The following SOX5 variants were observed in gnomAD, a reference collection of about 807,000 sequenced individuals.
The protein encoded by SOX5 is transcription factor SOX-5.
SOX5 carries 9 observed loss-of-function variants against 92.0 expected under a neutral mutation model. The observed-to-expected ratio is 0.10, with a 90% CI of 0.06 to 0.17. SOX5 has a LOEUF of 0.17. SOX5 is among the 10% of genes least tolerant of loss of function. The pLI is 1.00. For missense variants in SOX5, 642 were observed against 944.5 expected (o/e 0.68, Z 4.20); for synonymous variants, 344 against 336.3 (o/e 1.02, Z -0.25).
At chr12:23,664,816 T>C (rs981803122) in intron 7 of SOX5, among the ~76,000 whole-genome samples, 4 of 152,062 alleles carry the variant, frequency 2.6e-5, no homozygotes, top group African/African-American at 9.7e-5. Context: ...CAACAATGAG[T>C]ATGACAGAAT....
chr12:23,660,027 G>A (rs11614034), intron 7 of SOX5, among the ~76,000 whole-genome samples: 14,677 of 152,138 alleles, frequency 0.096, 753 homozygotes, highest in Non-Finnish European at 0.11. Flanking sequence ...TAAGGCTAAG[G>A]TTGTATTAAA....
rs1327852274 is a variant in SOX5 at position 24,226,719 on chromosome 12, C to T, written c.-76-13302G>A. ...CTCCTGACCTCAGGTGATCCACCCG[C>T]CTTGGCCTCTCAAAGGGCTAGGATT... On this transcript the variant is annotated intron_variant, in intron 3 of 4. Coordinates refer to the SOX5 transcript ENST00000446891. Among the ~76,000 whole-genome samples, 4 of 152,308 alleles carry T rather than the reference C, an allele frequency of 2.6e-5. No homozygotes were observed. The South Asian group carries it at 8.3e-4, about 32-fold the overall frequency.
chr12:23,532,273 C>CAAGT lies in SOX5; in HGVS notation c.*1942_*1945dup, dbSNP rs1459545711. 1 of 151,904 alleles carries CAAGT rather than the reference C, an allele frequency of 6.6e-6. No homozygotes were observed. Among genetic ancestry groups the CAAGT allele is most frequent in the African/African-American group, 2.4e-5 (1 of 41,344 alleles). 9.4% of individuals were successfully genotyped at this position (151,904 alleles called of 1,614,324 possible). A position where few individuals can be genotyped will look rare whatever the true frequency, so the allele number is the denominator to read the frequency against. ...AGCTCCTCCAAGCAAAACCCCAGAG[C>CAAGT]AAGTCTTCTGAGAGAGAGAAAAATA... On this transcript the variant is annotated 3_prime_UTR_variant, in exon 15 of 15. Coordinates refer to ENST00000451604, the MANE Select transcript of SOX5 (RefSeq NM_006940.6).
At chr12:24,371,348 C>G (rs1017106927) in intron 1 of SOX5, among the ~76,000 whole-genome samples, 17 of 152,194 alleles carry the variant, frequency 1.1e-4, no homozygotes, top group African/African-American at 4.1e-4. Context: ...TTTTCCCCCC[C>G]AGGGCTACAG....
At chr12:23,648,019 C>T (rs1479463633) in intron 7 of SOX5, among the ~76,000 whole-genome samples, 1 of 152,210 alleles carries the variant, frequency 6.6e-6, no homozygotes, top group South Asian at 2.1e-4. Context: ...GACACACCTT[C>T]TTCATCAAGC....
chr12:23,704,129 T>C (rs1472944535), intron 6 of SOX5, among the ~76,000 whole-genome samples: 1 of 151,990 alleles, frequency 6.6e-6, no homozygotes, highest in Non-Finnish European at 1.5e-5. Context: ...ATTCCTGTTT[T>C]CCTCTTCTAC....
At chr12:23,860,992 G>T (rs1459776613) in intron 2 of SOX5, among the ~76,000 whole-genome samples, 1 of 109,496 alleles carries the variant, frequency 9.1e-6, no homozygotes, top group Non-Finnish European at 1.9e-5. Context: ...TGCCAACATA[G>T]AAATAATAAT....
chr12:23,736,815 C>G lies in SOX5; in HGVS notation c.742-2063G>C, dbSNP rs561689956. The stretch of plus-strand genomic sequence containing the variant: ...AAATGATTCATCTGCCTCAGCCTCC[C>G]GAGTAGCTGAGATTACAGGCATGCA... On this transcript the variant is annotated intron_variant, in intron 5 of 14. Coordinates refer to ENST00000451604, the MANE Select transcript of SOX5 (RefSeq NM_006940.6). Among the ~76,000 whole-genome samples, 51 of 151,606 alleles carry G rather than the reference C, an allele frequency of 3.4e-4. No individual in the cohort carries two copies. In the South Asian group the frequency reaches 7.3e-3, roughly 22 times the overall value.
chr12:24,307,762 TGGAAGGAAGGAA>T lies in SOX5; in HGVS notation c.-173-30462_-173-30451del, dbSNP rs71063306. Among the ~76,000 whole-genome samples, 4 of 43,764 alleles carry T rather than the reference TGGAAGGAAGGAA, an allele frequency of 9.1e-5. 1 individual carries two copies. The highest frequency in any genetic ancestry group is 2.1e-4 in the African/African-American group (4 of 18,662). The allele number at this position is 43,764 out of a possible 152,430, so 28.7% of individuals were successfully genotyped here. Reference sequence around the variant, plus strand: ...TTATTGGATTCTTCAGGTGGCCTAATGGAAGGAAGGAAGGAAGGAAGGAAGGAAGGAGGGAGG... The same window carrying T: ...TTATTGGATTCTTCAGGTGGCCTAATGGAAGGAAGGAAGGAAGGAGGGAGG... On this transcript the variant is annotated intron_variant, in intron 2 of 4. Transcript: ENST00000446891.
At chr12:24,502,572 G>C (rs1437026831) in intron 1 of SOX5, among the ~76,000 whole-genome samples, 1 of 152,024 alleles carries the variant, frequency 6.6e-6, no homozygotes, top group Non-Finnish European at 1.5e-5. Context: ...AAGATAAAAG[G>C]GGGTAATACA....
In SOX5 at chr12:23,604,345, A is replaced by C. The variant is rs972091640; in HGVS notation, c.1164+42T>G. 5 of 1,607,084 alleles carry C rather than the reference A, an allele frequency of 3.1e-6. No homozygotes were observed. In the African/African-American group the frequency reaches 6.7e-5, roughly 22 times the overall value. On this transcript the variant is annotated intron_variant, in intron 9 of 14. Transcript: ENST00000451604. ...TTTAATAAATACCATTGAATGAAAA[A>C]TAAAGCTAAGTGGCAAGACAGTGGC...
At chr12:24,223,423 C>A (rs1961007071) in intron 3 of SOX5, 1 of 152,102 alleles carries the variant, frequency 6.6e-6, no homozygotes, top group African/African-American at 2.4e-5. Flanking sequence ...TATTAATATT[C>A]CCCATGATTA....
intron 8 of SOX5, among the ~76,000 whole-genome samples, chr12:23,639,120 A>G (rs2079682404): frequency 6.6e-6 from 1 of 152,098 alleles, no homozygotes; most frequent in African/African-American, 2.4e-5. Context: ...TTTGGTGTCT[A>G]AAGTTTCTCT....
At chr12:23,946,523 T>C (rs1009821392) in intron 1 of SOX5, among the ~76,000 whole-genome samples, 1 of 152,022 alleles carries the variant, frequency 6.6e-6, no homozygotes, top group Non-Finnish European at 1.5e-5. Context: ...AAATATTTTC[T>C]TTTCATCCTT....
At chr12:24,179,642 A>C (rs1410045157) in intron 4 of SOX5, among the ~76,000 whole-genome samples, 1 of 152,168 alleles carries the variant, frequency 6.6e-6, no homozygotes, top group Non-Finnish European at 1.5e-5. Context: ...ATTAGATGAG[A>C]TATTCAACAC....
intron 9 of SOX5, among the ~76,000 whole-genome samples, chr12:23,582,540 T>C (rs766277101): frequency 5.3e-5 from 8 of 152,136 alleles, no homozygotes; most frequent in Admixed American, 2.0e-4. Context: ...ACATAGCACA[T>C]AGTCTTGAAA....
At chr12:24,163,363 GGATCTGGGAGGTAGCCATATGATAAT>G (rs1348594416) in intron 4 of SOX5, among the ~76,000 whole-genome samples, 1 of 152,076 alleles carries the variant, frequency 6.6e-6, no homozygotes, top group Non-Finnish European at 1.5e-5. Context: ...GCCTGATCCA[GGATCTGGGAGGTAGCCATATGATAAT>G]GATCTTGGTG....
chr12:23,795,694 G>A (rs2095550417), intron 3 of SOX5, among the ~76,000 whole-genome samples: 1 of 152,130 alleles, frequency 6.6e-6, no homozygotes, highest in Admixed American at 6.6e-5. Flanking sequence ...CCAGGCAACA[G>A]AGCCTTTGCT....
At chr12:24,233,022 C>T (rs1963726601) in intron 3 of SOX5, among the ~76,000 whole-genome samples, 1 of 152,160 alleles carries the variant, frequency 6.6e-6, no homozygotes, top group Non-Finnish European at 1.5e-5. Flanking sequence ...GAGTTGTTGA[C>T]ACCTGAAGTT....
Sources: allele counts gnomAD v4.1 joint callset (sites outside exome capture counted in the v4.1 genomes callset), GRCh38; gene constraint gnomAD v4.1.1; transcripts MANE v1.5; gene names NCBI Gene and HGNC (gene_info 2026-07-23, HGNC 2026-07-21).